Variants in PEAK1 observed in about 807,000 individuals in gnomAD.
PEAK1 encodes inactive tyrosine-protein kinase PEAK1.
In PEAK1, 54 loss-of-function variants were observed where a neutral mutation model predicts 124.7. The observed-to-expected ratio is 0.43, with a 90% CI of 0.35 to 0.54. PEAK1 has a LOEUF of 0.54. PEAK1 is among the 20% of genes least tolerant of loss of function. The pLI, the probability that PEAK1 is intolerant of heterozygous loss-of-function variation, is 0.01. For missense variants in PEAK1, 2,046 were observed against 2,134.5 expected, an observed-to-expected ratio of 0.96 and a Z score of 0.82; for synonymous variants, 719 against 760.0, an observed-to-expected ratio of 0.95 and a Z score of 0.89.
At chr15:77,221,166 C>T (rs2059373163) in intron 6 of PEAK1, among the ~76,000 whole-genome samples, 1 of 152,088 alleles carries the variant, frequency 6.6e-6, no homozygotes, top group Non-Finnish European at 1.5e-5. Flanking sequence ...GATGGTTATA[C>T]ATAAACTTTC....
chr15:77,385,065 G>A (rs1043315882), intron 1 of PEAK1, among the ~76,000 whole-genome samples: 139 of 152,220 alleles, frequency 9.1e-4, no homozygotes, highest in African/African-American at 3.2e-3. Context: ...CCATGTATAA[G>A]ATACTTTCCT....
At chr15:77,126,709 GC>G (rs1457593629) in intron 9 of PEAK1, among the ~76,000 whole-genome samples, 2 of 152,118 alleles carry the variant, frequency 1.3e-5, no homozygotes, top group African/African-American at 4.8e-5. Flanking sequence ...CAAGAGAGGC[GC>G]ATGACTTGCA....
intron 7 of PEAK1, among the ~76,000 whole-genome samples, chr15:77,172,337 A>G (rs1345375447): frequency 6.6e-6 from 1 of 152,244 alleles, no homozygotes; most frequent in African/African-American, 2.4e-5. Context: ...AAATTCAACC[A>G]TCAATCTCAT....
intron 6 of PEAK1, among the ~76,000 whole-genome samples, chr15:77,219,876 C>A (rs953308217): frequency 6.6e-6 from 1 of 151,936 alleles, no homozygotes; most frequent in Non-Finnish European, 1.5e-5. Context: ...TAATTTTATA[C>A]CCTAGTAATT....
Position 77,234,608 on chromosome 15 carries a change from A to G in PEAK1, c.-115+17759T>C, listed in dbSNP as rs116374576. Among the ~76,000 whole-genome samples, 1,067 of 152,282 alleles carry G rather than the reference A, an allele frequency of 7.0e-3. 9 individuals are homozygous for G. The highest frequency in any genetic ancestry group is 0.024 in the African/African-American group (1,017 of 41,548). The stretch of plus-strand genomic sequence containing the variant: ...TACCATTCCACACATCTCTCTAAGT[A>G]TACACAGAAATGAATGGATGAACAC... On this transcript the variant is annotated intron_variant, in intron 6 of 9. Coordinates refer to ENST00000682557, the MANE Select transcript of PEAK1 (RefSeq NM_001385026.1).
At chr15:77,227,350 G>T (rs924823911) in intron 6 of PEAK1, among the ~76,000 whole-genome samples, 1 of 152,004 alleles carries the variant, frequency 6.6e-6, no homozygotes, top group Non-Finnish European at 1.5e-5. Context: ...TAACACAGAG[G>T]CACATTGACT....
chr15:77,398,470 C>G (rs2071085047), intron 1 of PEAK1, among the ~76,000 whole-genome samples: 1 of 152,160 alleles, frequency 6.6e-6, no homozygotes, highest in African/African-American at 2.4e-5. Context: ...ATATGCAAAT[C>G]AATCAATGTG....
intron 1 of PEAK1, among the ~76,000 whole-genome samples, chr15:77,392,987 G>A (rs1269511860): frequency 1.3e-5 from 2 of 152,174 alleles, no homozygotes; most frequent in Non-Finnish European, 2.9e-5. Context: ...CCGCTTGTGG[G>A]ACTTTCCATT....
intron 1 of PEAK1, among the ~76,000 whole-genome samples, chr15:77,366,357 T>C (rs144051732): frequency 6.6e-6 from 1 of 152,294 alleles, no homozygotes; most frequent in African/African-American, 2.4e-5. Context: ...GTATTAGACA[T>C]GTAACATGAG....
At chr15:77,218,472 T>C (rs964351295) in intron 6 of PEAK1, among the ~76,000 whole-genome samples, 3 of 152,088 alleles carry the variant, frequency 2.0e-5, no homozygotes, top group African/African-American at 7.2e-5. Flanking sequence ...ACTGCAACCC[T>C]GGGATGATTT....
At chr15:77,357,318 T>TC (rs2067583666) in intron 2 of PEAK1, among the ~76,000 whole-genome samples, 2 of 152,186 alleles carry the variant, frequency 1.3e-5, no homozygotes, top group South Asian at 4.1e-4. Context: ...TGTTACCCAG[T>TC]CTGGAATGCA....
At chr15:77,177,528 T>C (rs2056959289) in intron 7 of PEAK1, among the ~76,000 whole-genome samples, 1 of 152,166 alleles carries the variant, frequency 6.6e-6, no homozygotes, top group African/African-American at 2.4e-5. Context: ...GTTCACTTCA[T>C]TTTTTATTAT....
At chr15:77,351,529 C>A (rs1479797974) in intron 2 of PEAK1, among the ~76,000 whole-genome samples, 8 of 152,204 alleles carry the variant, frequency 5.3e-5, no homozygotes, top group African/African-American at 1.7e-4. Context: ...TTACATAGGG[C>A]GTACCCCAAG....
At chr15:77,124,821 A>G (rs900552292) in intron 9 of PEAK1, among the ~76,000 whole-genome samples, 10 of 152,204 alleles carry the variant, frequency 6.6e-5, no homozygotes, top group Admixed American at 3.9e-4. Flanking sequence ...CCGTAGCCTA[A>G]TTTTCCACTA....
At position 77,180,342 on chromosome 15, in the gene PEAK1, T is replaced by G. The variant is rs940673362; in HGVS notation, c.1585A>C (p.Ile529Leu). ...ISAHFQKSSAIRYQEVWTSST... is the reference protein window; with the variant it reads ...ISAHFQKSSALRYQEVWTSST... Reference sequence around the variant, plus strand: ...GAAGTCCATACTTCTTGGTATCGAATTGCACTGGATTTTTGGAAATGGGCA... The same window carrying G: ...GAAGTCCATACTTCTTGGTATCGAAGTGCACTGGATTTTTGGAAATGGGCA... Residue 529 changes from isoleucine (I) to leucine (L), a missense_variant, in exon 7 of 10, where the codon ATT (isoleucine) becomes CTT (leucine). Physicochemically the swap from Ile to Leu is conservative, Grantham distance 5. Coordinates refer to ENST00000682557, the MANE Select transcript of PEAK1 (RefSeq NM_001385026.1). 8.7e-6 allele frequency: 14 copies of G among 1,614,054 alleles called. No homozygotes were observed. Among genetic ancestry groups the G allele is most frequent in the African/African-American group, 6.7e-5 (5 of 74,912 alleles).
chr15:77,405,295 C>T (rs990896688), intron 1 of PEAK1, among the ~76,000 whole-genome samples: 1 of 152,108 alleles, frequency 6.6e-6, no homozygotes, highest in African/African-American at 2.4e-5. Flanking sequence ...TGAGCCACCA[C>T]GCCCGGCTGA....
At chr15:77,407,892 T>TATATATACAC (rs1555504078) in intron 1 of PEAK1, among the ~76,000 whole-genome samples, 4 of 138,240 alleles carry the variant, frequency 2.9e-5, no homozygotes, top group Non-Finnish European at 3.2e-5. Context: ...GATATATATA[T>TATATATACAC]ATATATATAC....
chr15:77,414,730 G>A (rs1168877192), intron 1 of PEAK1, among the ~76,000 whole-genome samples: 1 of 152,186 alleles, frequency 6.6e-6, no homozygotes, highest in Non-Finnish European at 1.5e-5. Context: ...ATCAGAATTA[G>A]GTATTAAAGT....
At chr15:77,209,934 C>T (rs1297690272) in intron 6 of PEAK1, among the ~76,000 whole-genome samples, 1 of 152,152 alleles carries the variant, frequency 6.6e-6, no homozygotes, top group Admixed American at 6.5e-5. Context: ...ACGTTTATGA[C>T]AATTTGTTAC....
Sources: allele counts gnomAD v4.1 joint callset (sites outside exome capture counted in the v4.1 genomes callset), GRCh38; gene constraint gnomAD v4.1.1; transcripts MANE v1.5; gene names NCBI Gene and HGNC (gene_info 2026-07-23, HGNC 2026-07-21).